Variants in SND1 observed in about 807,000 individuals in gnomAD.
SND1 encodes staphylococcal nuclease and tudor domain containing 1.
SND1 carries 38 observed loss-of-function variants against 121.7 expected under a neutral mutation model. The ratio of observed to expected loss-of-function variants is 0.31; its 90% CI spans 0.24 to 0.41. The LOEUF (loss-of-function observed/expected upper bound fraction) is 0.41. SND1 is among the 10% of genes least tolerant of loss of function. The probability of loss-of-function intolerance (pLI) is 1.00; values close to 1 mark genes in which losing one functional copy is unlikely to be tolerated. For synonymous variants in SND1, 401 were observed against 447.4 expected (o/e 0.90, Z 1.31); for missense variants, 868 against 1,184.6 (o/e 0.73, Z 3.92).
At chr7:127,702,303 CT>C in intron 5 of SND1, 131 bp from the exon 6 acceptor site, 1 of 726,202 alleles carries the variant, frequency 1.4e-6, no homozygotes, top group Non-Finnish European at 2.4e-6. Context: ...CAAGTGCATC[CT>C]TACTTTTCAG....
intron 10 of SND1, among the ~76,000 whole-genome samples, chr7:127,746,946 C>T (rs751121167): frequency 6.1e-4 from 93 of 152,162 alleles, no homozygotes; most frequent in Non-Finnish European, 9.3e-4. Flanking sequence ...TTCAGTATAA[C>T]TTGGAGGCAA....
At chr7:128,056,759 C>T (rs1160328073) in intron 16 of SND1, among the ~76,000 whole-genome samples, 1 of 152,126 alleles carries the variant, frequency 6.6e-6, no homozygotes, top group East Asian at 1.9e-4. Flanking sequence ...CAGACGGTGC[C>T]AAACTAGACA....
intron 16 of SND1, among the ~76,000 whole-genome samples, chr7:128,071,042 G>A (rs920235631): frequency 6.6e-6 from 1 of 152,126 alleles, no homozygotes; most frequent in East Asian, 1.9e-4. Flanking sequence ...TCATGTTATT[G>A]CATTTTTCAT....
intron 14 of SND1, among the ~76,000 whole-genome samples, chr7:127,920,582 G>A (rs973199451): frequency 6.6e-6 from 1 of 152,082 alleles, no homozygotes; most frequent in Non-Finnish European, 1.5e-5. Context: ...AGGTAGGGAG[G>A]CAGATTTATT....
At chr7:127,692,786 C>A (rs1360934765) in intron 2 of SND1, among the ~76,000 whole-genome samples, 1 of 152,186 alleles carries the variant, frequency 6.6e-6, no homozygotes, top group African/African-American at 2.4e-5. Context: ...GGCATATGTC[C>A]TTTGCAAGAC....
chr7:127,778,057 G>T (rs1489325454), intron 10 of SND1, among the ~76,000 whole-genome samples: 1 of 152,128 alleles, frequency 6.6e-6, no homozygotes. Flanking sequence ...TAGTGGCTCT[G>T]TTGGGCTTTC....
chr7:127,684,229 G>A (rs934089533), intron 1 of SND1, among the ~76,000 whole-genome samples: 8 of 152,218 alleles, frequency 5.3e-5, no homozygotes, highest in African/African-American at 1.9e-4. Context: ...GAGAGGATGA[G>A]TTTTCTTGTA....
In SND1 at chr7:127,660,654, A is replaced by C. The variant is rs182716877; in HGVS notation, c.78+8203A>C. ...CCAGTGAGCATTTTCTTTGAGCATTATGTTAGTGTTCAAAACATTTCAGAT... is the reference window on the plus strand; with the variant it reads ...CCAGTGAGCATTTTCTTTGAGCATTCTGTTAGTGTTCAAAACATTTCAGAT... On this transcript the variant is annotated intron_variant, in intron 1 of 23. Transcript: ENST00000354725. Among the ~76,000 whole-genome samples, 8 of 152,308 alleles carry C rather than the reference A, an allele frequency of 5.3e-5. No homozygotes were observed. In the East Asian group the frequency reaches 1.5e-3, roughly 29 times the overall value.
chr7:128,083,375 A>G (rs142926889), intron 18 of SND1, among the ~76,000 whole-genome samples: 1 of 152,334 alleles, frequency 6.6e-6, no homozygotes, highest in African/African-American at 2.4e-5. Flanking sequence ...TATGGCAAGG[A>G]GCACTGTCTA....
chr7:127,652,232 C>T lies in SND1; in HGVS notation c.-142C>T, dbSNP rs1157599508. 1.1e-5 allele frequency: 8 copies of T among 733,516 alleles called. No homozygotes were observed. Among genetic ancestry groups the T allele is most frequent in the Non-Finnish European group, 2.0e-5 (8 of 408,220 alleles). The allele number at this position is 733,516 out of a possible 1,614,324, so 45.4% of individuals were successfully genotyped here. The stretch of plus-strand genomic sequence containing the variant: ...TGTCCCGCTGCTGCTCCTGTGAGCG[C>T]CCGGCGAGTCCGTCCCGTCCACCGT... On this transcript the variant is annotated 5_prime_UTR_variant, in exon 1 of 24. Transcript: ENST00000354725.
intron 15 of SND1, among the ~76,000 whole-genome samples, chr7:127,968,237 T>A (rs1440331732): frequency 1.3e-5 from 2 of 152,242 alleles, no homozygotes; most frequent in African/African-American, 4.8e-5. Flanking sequence ...TGAGACAAGT[T>A]CTTTATCCTT....
chr7:127,790,194 G>T (rs1300863522), intron 10 of SND1, among the ~76,000 whole-genome samples: 1 of 152,130 alleles, frequency 6.6e-6, no homozygotes, highest in South Asian at 2.1e-4. Flanking sequence ...GTTTGGAGCC[G>T]CCCAGCATCC....
rs1199678845 is a variant in SND1 at position 127,759,087 on chromosome 7, T to TAGAC, written c.1152+37690_1152+37691insCAGA. Among the ~76,000 whole-genome samples the TAGAC allele has an allele frequency of 3.9e-5, 6 of 151,972 alleles. No homozygotes were observed. In the East Asian group the frequency reaches 7.7e-4, roughly 20 times the overall value. On this transcript the variant is annotated intron_variant, in intron 10 of 23. Coordinates refer to ENST00000354725, the MANE Select transcript of SND1 (RefSeq NM_014390.4). ...ATAGATAGATAGATAGATAGATAGA[T>TAGAC]AGATAGATAGATAGGCAGGCAGGCA...
chr7:128,062,490 G>A (rs914213205), intron 16 of SND1, among the ~76,000 whole-genome samples: 3 of 152,204 alleles, frequency 2.0e-5, no homozygotes, highest in African/African-American at 7.2e-5. Context: ...ACATTAGTCA[G>A]GGAGGGATGG....
At chr7:127,663,545 T>C (rs1211977824) in intron 1 of SND1, among the ~76,000 whole-genome samples, 1 of 152,042 alleles carries the variant, frequency 6.6e-6, no homozygotes, top group African/African-American at 2.4e-5. Flanking sequence ...CTAATGTTTG[T>C]TTTTTGTATT....
chr7:127,941,702 G>C (rs1389163164), intron 15 of SND1, among the ~76,000 whole-genome samples: 2 of 152,138 alleles, frequency 1.3e-5, no homozygotes, highest in African/African-American at 4.8e-5. Context: ...ATTAGCATTT[G>C]CATTTTAAAT....
At chr7:127,970,839 GTGGCTCATGCCTA>G (rs1273182491) in intron 15 of SND1, among the ~76,000 whole-genome samples, 1 of 152,132 alleles carries the variant, frequency 6.6e-6, no homozygotes, top group Non-Finnish European at 1.5e-5. Context: ...GCCAGGTATG[GTGGCTCATGCCTA>G]TAATCCCAGC....
chr7:127,660,159 G>T (rs1364336668), intron 1 of SND1, among the ~76,000 whole-genome samples: 4 of 152,140 alleles, frequency 2.6e-5, no homozygotes, highest in Admixed American at 6.5e-5. Flanking sequence ...GGAGTTCTTG[G>T]TTTCCTTTCA....
At chr7:127,771,752 T>C (rs570149524) in intron 10 of SND1, among the ~76,000 whole-genome samples, 4 of 152,228 alleles carry the variant, frequency 2.6e-5, no homozygotes, top group Non-Finnish European at 5.9e-5. Flanking sequence ...ATCTTAAATT[T>C]GATATTTTGT....
Sources: allele counts gnomAD v4.1 joint callset (sites outside exome capture counted in the v4.1 genomes callset), GRCh38; gene constraint gnomAD v4.1.1; transcripts MANE v1.5; gene names NCBI Gene and HGNC (gene_info 2026-07-23, HGNC 2026-07-21).